PCNX2: variants seen among roughly 807,000 people sequenced by gnomAD.
PCNX2 encodes the protein pecanex-like protein 2.
PCNX2 carries 168 observed loss-of-function variants against 223.8 expected under a neutral mutation model. The observed-to-expected ratio is 0.75, with a 90% CI of 0.66 to 0.85. The LOEUF (loss-of-function observed/expected upper bound fraction) is 0.85, where lower values mean the gene tolerates loss of function less well. Among genes scored for constraint, PCNX2 ranks in the 40% least tolerant of loss-of-function variants. The pLI, the probability that PCNX2 is intolerant of heterozygous loss-of-function variation, is 0.00. For missense variants in PCNX2, 2,507 were observed against 2,675.5 expected (o/e 0.94, Z 1.39); for synonymous variants, 1,006 against 1,052.6 (o/e 0.96, Z 0.86).
At chr1:233,073,263 C>T (rs547636595) in intron 23 of PCNX2, among the ~76,000 whole-genome samples, 2 of 152,170 alleles carry the variant, frequency 1.3e-5, no homozygotes, top group East Asian at 1.9e-4. Context: ...AATTATAGTA[C>T]GTTGAGTCTT....
intron 23 of PCNX2, among the ~76,000 whole-genome samples, chr1:233,070,909 C>T (rs1030685369): frequency 4.6e-5 from 7 of 151,918 alleles, no homozygotes; most frequent in South Asian, 4.2e-4. Flanking sequence ...TGGTGGCGGG[C>T]GCCTGTAATC....
At chr1:233,320,744 T>C in the PCNX2 span, among the ~76,000 whole-genome samples, 1 of 152,350 alleles carries the variant, frequency 6.6e-6, no homozygotes, top group Admixed American at 6.5e-5. Context: ...GTTTGGAACA[T>C]ATTGGTTCTC....
chr1:233,040,556 T>C (rs985863640), intron 25 of PCNX2, among the ~76,000 whole-genome samples: 3 of 152,126 alleles, frequency 2.0e-5, no homozygotes, highest in Admixed American at 2.0e-4. Flanking sequence ...CAGCCTCGTG[T>C]TTCTCATTGA....
rs544335647 is a variant in PCNX2 at position 233,268,003 on chromosome 1, C to G, written c.154-4840G>C. On this transcript the variant is annotated intron_variant, in intron 1 of 33. Coordinates refer to ENST00000258229, the MANE Select transcript of PCNX2 (RefSeq NM_014801.4). The stretch of plus-strand genomic sequence containing the variant: ...CTTGACTCACTGCAATCTCTGCGTC[C>G]CGAGTTGAAGCAATTCTCCTGCCTC... Among the ~76,000 whole-genome samples, 6 of 152,206 alleles carry G rather than the reference C, an allele frequency of 3.9e-5. No homozygotes were observed. The South Asian group carries it at 1.0e-3, about 26-fold the overall frequency.
intron 19 of PCNX2, among the ~76,000 whole-genome samples, chr1:233,154,629 T>C (rs1440300418): frequency 6.6e-6 from 1 of 152,224 alleles, no homozygotes; most frequent in Non-Finnish European, 1.5e-5. Context: ...CAACGCAACA[T>C]TTAATTATAT....
intron 15 of PCNX2, among the ~76,000 whole-genome samples, chr1:233,180,130 C>A (rs1051474973): frequency 1.3e-5 from 2 of 152,192 alleles, no homozygotes; most frequent in African/African-American, 4.8e-5. Context: ...AATTTATGTT[C>A]GAGTGCTATT....
intron 3 of PCNX2, among the ~76,000 whole-genome samples, chr1:233,261,729 G>A (rs1269048438): frequency 1.3e-5 from 2 of 152,216 alleles, no homozygotes; most frequent in Admixed American, 1.3e-4. Flanking sequence ...CAGATATGAT[G>A]ACTTAAATGA....
At chr1:233,111,807 A>G (rs1675132499) in intron 21 of PCNX2, among the ~76,000 whole-genome samples, 1 of 152,214 alleles carries the variant, frequency 6.6e-6, no homozygotes, top group Non-Finnish European at 1.5e-5. Context: ...TTTATCTTCT[A>G]GAAGATTTGT....
At chr1:233,154,238 C>T (rs1322847059) in intron 19 of PCNX2, among the ~76,000 whole-genome samples, 4 of 152,028 alleles carry the variant, frequency 2.6e-5, no homozygotes, top group South Asian at 2.1e-4. Context: ...AACACCAAGT[C>T]GAACTAATTT....
At chr1:233,026,487 C>T (rs72762017) in intron 25 of PCNX2, among the ~76,000 whole-genome samples, 3,060 of 152,134 alleles carry the variant, frequency 0.02, 52 homozygotes, top group Middle Eastern at 0.051. Flanking sequence ...GGCTTGCTGC[C>T]CAGAGAAAGG....
At chr1:233,017,560 C>G (rs1271726256) in intron 26 of PCNX2, among the ~76,000 whole-genome samples, 1 of 152,066 alleles carries the variant, frequency 6.6e-6, no homozygotes, top group African/African-American at 2.4e-5. Context: ...TCGTGATCCG[C>G]CCGCCTTGGC....
chr1:233,163,753 C>T (rs1678635924), intron 17 of PCNX2, among the ~76,000 whole-genome samples: 1 of 151,890 alleles, frequency 6.6e-6, no homozygotes, highest in South Asian at 2.1e-4. Flanking sequence ...GCCTCAGCCT[C>T]TTGTTTTCAT....
chr1:233,181,293 G>A (rs1432584118), intron 15 of PCNX2, among the ~76,000 whole-genome samples: 3 of 149,014 alleles, frequency 2.0e-5, no homozygotes, highest in Middle Eastern at 3.3e-3. Flanking sequence ...TCCACCTCCC[G>A]GGTTCAAGCA....
intron 1 of PCNX2, among the ~76,000 whole-genome samples, chr1:233,294,900 AAG>A (rs1661979726): frequency 6.6e-6 from 1 of 152,162 alleles, no homozygotes; most frequent in African/African-American, 2.4e-5. Context: ...AGGGGGGAAA[AAG>A]GGGACAATAA....
intron 25 of PCNX2, among the ~76,000 whole-genome samples, chr1:233,035,109 A>G (rs1254417259): frequency 6.6e-6 from 1 of 152,236 alleles, no homozygotes; most frequent in Non-Finnish European, 1.5e-5. Flanking sequence ...GGGACTTCAA[A>G]GGGACGTTAA....
In PCNX2 at chr1:233,001,028, T is replaced by A. The variant is rs1267771218; in HGVS notation, c.5098-493A>T. 1.3e-5 allele frequency among the ~76,000 whole-genome samples: 2 copies of A among 152,082 alleles called. No homozygotes were observed. Among genetic ancestry groups the A allele is most frequent in the African/African-American group, 4.8e-5 (2 of 41,406 alleles). ...TTTTTCCCCTAAAGTTTCAGGCTGA[T>A]CCTTTTTCTTTTTTTTTCCCCAAGA... On this transcript the variant is annotated intron_variant, in intron 29 of 33. Transcript: ENST00000258229. The surrounding 1 kb of genome is among the most constrained non-coding windows in gnomAD (Gnocchi z 4.2).
intron 12 of PCNX2, among the ~76,000 whole-genome samples, chr1:233,216,914 C>T (rs951735444): frequency 1.3e-5 from 2 of 152,136 alleles, no homozygotes; most frequent in African/African-American, 4.8e-5. Flanking sequence ...TGCAACAACA[C>T]TGATGAATCT....
chr1:233,315,157 C>G, the PCNX2 span, among the ~76,000 whole-genome samples: 4 of 152,142 alleles, frequency 2.6e-5, no homozygotes, highest in Admixed American at 2.6e-4. Flanking sequence ...TGGATTCAAA[C>G]AGAGCAGTCA....
At chr1:233,324,429 T>C in the PCNX2 span, among the ~76,000 whole-genome samples, 1 of 152,212 alleles carries the variant, frequency 6.6e-6, no homozygotes, top group African/African-American at 2.4e-5. Context: ...GCTGACTCTC[T>C]TGTTAAGGAC....
Sources: gnomAD v4.1 joint callset for allele counts (sites outside exome capture counted in the v4.1 genomes callset) on GRCh38, gnomAD v4.1.1 for gene constraint, Gnocchi (gnomAD v3.1) non-coding constraint, MANE v1.5 for transcripts, NCBI Gene and HGNC (gene_info 2026-07-23, HGNC 2026-07-21) for gene names.